CLSTN1: variants seen among roughly 807,000 people sequenced by gnomAD.
CLSTN1 encodes calsyntenin-1.
In CLSTN1, 28 loss-of-function variants were observed where a neutral mutation model predicts 108.3. The ratio of observed to expected loss-of-function variants is 0.26; its 90% CI spans 0.19 to 0.35. CLSTN1 has a LOEUF of 0.35. Among genes scored for constraint, CLSTN1 ranks in the 10% least tolerant of loss-of-function variants. The pLI, the probability that CLSTN1 is intolerant of heterozygous loss-of-function variation, is 1.00. For synonymous variants in CLSTN1, 524 were observed against 534.9 expected (o/e 0.98, Z 0.28); for missense variants, 1,157 against 1,302.6 (o/e 0.89, Z 1.72).
chr1:9,767,576 C>T (rs189321265), intron 2 of CLSTN1, among the ~76,000 whole-genome samples: 2 of 150,684 alleles, frequency 1.3e-5, no homozygotes, highest in African/African-American at 4.9e-5. Context: ...TGAAAAGAAT[C>T]GGAGAAAGTA....
At chr1:9,735,706 G>A in intron 12 of CLSTN1, 91 bp from the exon 13 acceptor site, 2 of 1,553,884 alleles carry the variant, frequency 1.3e-6, no homozygotes, top group East Asian at 2.3e-5. Flanking sequence ...GGACTGGCCT[G>A]GGTTCGATTT....
At chr1:9,816,429 T>C (rs1268228713) in intron 1 of CLSTN1, among the ~76,000 whole-genome samples, 2 of 151,914 alleles carry the variant, frequency 1.3e-5, no homozygotes, top group African/African-American at 4.8e-5. Flanking sequence ...TGAAATTAGA[T>C]AGTGGTGATG....
At chr1:9,764,198 T>A (rs571785928) in intron 2 of CLSTN1, among the ~76,000 whole-genome samples, 2 of 151,996 alleles carry the variant, frequency 1.3e-5, no homozygotes, top group East Asian at 3.9e-4. Flanking sequence ...TGAGCTCTTG[T>A]GGGAACTAAA....
At chr1:9,743,822 T>G in intron 9 of CLSTN1, 62 bp downstream of exon 9, 1 of 1,584,258 alleles carries the variant, frequency 6.3e-7, no homozygotes, top group South Asian at 1.1e-5. Flanking sequence ...CCTCCCAAAG[T>G]GCTGGGATTA....
At position 9,730,984 on chromosome 1, in the gene CLSTN1, G is replaced by A. The variant is rs761085041; in HGVS notation, c.2748+222C>T. On this transcript the variant is annotated intron_variant, in intron 18 of 18. Coordinates refer to ENST00000377298, the MANE Select transcript of CLSTN1 (RefSeq NM_001009566.3). The surrounding 1 kb of genome is among the most constrained non-coding windows in gnomAD (Gnocchi z 5.6). ...CTCAGGATTACCATGACCCAAGAGC[G>A]CCAAGCCCTGGCATGGCTCTTCTCT... The A allele has an allele frequency of 2.7e-5, 17 of 637,614 alleles. No individual in the cohort carries two copies. The highest frequency in any genetic ancestry group is 5.5e-5 in the African/African-American group (3 of 54,602). The allele number at this position is 637,614 out of a possible 1,614,324, so 39.5% of individuals were successfully genotyped here.
chr1:9,766,204 T>C (rs922807129), intron 2 of CLSTN1, among the ~76,000 whole-genome samples: 3 of 152,118 alleles, frequency 2.0e-5, no homozygotes, highest in African/African-American at 7.2e-5. Context: ...GGAAAGAGAT[T>C]GCTAGAACAC....
chr1:9,779,557 G>A (rs535531150), intron 1 of CLSTN1, among the ~76,000 whole-genome samples: 3 of 152,224 alleles, frequency 2.0e-5, no homozygotes, highest in South Asian at 4.1e-4. Context: ...CTCCAGCCTG[G>A]GCGACAAGAG....
At chr1:9,815,062 C>A (rs1247646053) in intron 1 of CLSTN1, among the ~76,000 whole-genome samples, 2 of 152,148 alleles carry the variant, frequency 1.3e-5, no homozygotes, top group Non-Finnish European at 2.9e-5. Flanking sequence ...CATGTGTAGC[C>A]CTGTGCTAGG....
chr1:9,771,127 C>T (rs1396140721), intron 2 of CLSTN1, among the ~76,000 whole-genome samples: 1 of 152,178 alleles, frequency 6.6e-6, no homozygotes, highest in Non-Finnish European at 1.5e-5. Context: ...AATACACAAG[C>T]CTGGACTGCA....
Position 9,778,852 on chromosome 1 carries a change from TA to T in CLSTN1, c.92-5459del, listed in dbSNP as rs546117657. 1.7e-3 allele frequency among the ~76,000 whole-genome samples: 239 copies of T among 141,958 alleles called. 1 individual carries two copies. The highest frequency in any genetic ancestry group is 2.1e-3 in the Non-Finnish European group (133 of 64,524). The allele number at this position is 141,958 out of a possible 152,430, so 93.1% of individuals were successfully genotyped here. A position where few individuals can be genotyped will look rare whatever the true frequency, so the allele number is the denominator to read the frequency against. ...CAACATGGTAAAACCCCGTCTGTAC[TA>T]AAAAAAAAAAATTACAAAAATTAGC... is the stretch of plus-strand genomic sequence containing the variant. On this transcript the variant is annotated intron_variant, in intron 1 of 18. Transcript: ENST00000377298.
chr1:9,767,652 C>T (rs778595548), intron 2 of CLSTN1, among the ~76,000 whole-genome samples: 1 of 151,996 alleles, frequency 6.6e-6, no homozygotes, highest in South Asian at 2.1e-4. Context: ...TTAGATGCCA[C>T]CACCATCACC....
chr1:9,736,417 T>C (rs1256210248), intron 11 of CLSTN1, among the ~76,000 whole-genome samples: 1 of 152,084 alleles, frequency 6.6e-6, no homozygotes, highest in Non-Finnish European at 1.5e-5. Flanking sequence ...GCTGGCTGGG[T>C]TCCACATGGC....
At chr1:9,780,470 G>C (rs1653190038) in intron 1 of CLSTN1, among the ~76,000 whole-genome samples, 4 of 152,132 alleles carry the variant, frequency 2.6e-5, no homozygotes. Context: ...CAGCTGAAAT[G>C]GTTAAGGGTT....
intron 1 of CLSTN1, among the ~76,000 whole-genome samples, chr1:9,806,488 T>C (rs1380045329): frequency 6.6e-6 from 1 of 152,208 alleles, no homozygotes; most frequent in South Asian, 2.1e-4. Context: ...GCTGAATGAA[T>C]GACTTTAAGA....
intron 1 of CLSTN1, among the ~76,000 whole-genome samples, chr1:9,822,793 C>A (rs1461421781): frequency 1.3e-5 from 2 of 152,048 alleles, no homozygotes; most frequent in Non-Finnish European, 2.9e-5. Context: ...TACTTCCCAC[C>A]GAGCCATAAA....
intron 1 of CLSTN1, among the ~76,000 whole-genome samples, chr1:9,821,612 G>A (rs1043648713): frequency 6.6e-6 from 1 of 152,124 alleles, no homozygotes. Flanking sequence ...AGTTCATGTC[G>A]TACTGCCTTA....
At chr1:9,765,567 C>T (rs1053260791) in intron 2 of CLSTN1, among the ~76,000 whole-genome samples, 4 of 150,704 alleles carry the variant, frequency 2.7e-5, no homozygotes, top group Admixed American at 6.6e-5. Context: ...GAAACGGAGA[C>T]TCCATCTCAA....
chr1:9,800,199 A>G (rs966411688), intron 1 of CLSTN1, among the ~76,000 whole-genome samples: 1 of 152,110 alleles, frequency 6.6e-6, no homozygotes, highest in African/African-American at 2.4e-5. Flanking sequence ...TTAAATACAA[A>G]GAGAGCAGAA....
intron 1 of CLSTN1, among the ~76,000 whole-genome samples, chr1:9,802,576 G>A (rs891107941): frequency 1.3e-5 from 2 of 152,134 alleles, no homozygotes; most frequent in Non-Finnish European, 2.9e-5. Context: ...GAGAGGTACA[G>A]ACTCACCCAA....
Sources: allele counts gnomAD v4.1 joint callset (sites outside exome capture counted in the v4.1 genomes callset), GRCh38; gene constraint gnomAD v4.1.1; non-coding constraint Gnocchi (gnomAD v3.1); transcripts MANE v1.5; gene names NCBI Gene and HGNC (gene_info 2026-07-23, HGNC 2026-07-21).